The following ZNRF1 variants were observed in gnomAD, a reference collection of about 807,000 sequenced individuals.
ZNRF1 encodes E3 ubiquitin-protein ligase ZNRF1.
A neutral mutation model predicts 18.4 loss-of-function variants in ZNRF1; 3 were observed. The observed-to-expected ratio is 0.16, with a 90% CI of 0.07 to 0.42. ZNRF1 has a LOEUF of 0.42. ZNRF1 is among the 10% of genes least tolerant of loss of function. The pLI is 0.99. For synonymous variants in ZNRF1, 157 were observed against 144.2 expected (o/e 1.09, Z -0.64); for missense variants, 310 against 329.8 (o/e 0.94, Z 0.47).
chr16:75,083,186 C>T (rs992996610), intron 1 of ZNRF1, among the ~76,000 whole-genome samples: 3 of 152,136 alleles, frequency 2.0e-5, no homozygotes, highest in East Asian at 1.9e-4. Context: ...TGAATTTCCT[C>T]GAATGGACAG....
chr16:75,082,564 A>G (rs1159124444), intron 1 of ZNRF1, among the ~76,000 whole-genome samples: 1 of 152,158 alleles, frequency 6.6e-6, no homozygotes, highest in Non-Finnish European at 1.5e-5. Flanking sequence ...GTAGACAGGA[A>G]TATGTTTGAG....
chr16:75,096,529 G>C (rs1216717815), intron 2 of ZNRF1, among the ~76,000 whole-genome samples: 1 of 152,160 alleles, frequency 6.6e-6, no homozygotes, highest in South Asian at 2.1e-4. Flanking sequence ...AGAGTCAGAG[G>C]TGTGAGTTCT....
chr16:75,110,561 A>G lies in ZNRF1; in HGVS notation c.*2861A>G, dbSNP rs2145437203. On this transcript the variant is annotated 3_prime_UTR_variant, in exon 5 of 5. Transcript: ENST00000335325. ...TCAAGAAATGTGTAATTTAATTCCA[A>G]ATAGTTCCCCCCAAAATACACAAAG... 1 of 152,362 alleles carries G rather than the reference A, an allele frequency of 6.6e-6. No individual in the cohort carries two copies. Among genetic ancestry groups the G allele is most frequent in the East Asian group, 1.9e-4 (1 of 5,190 alleles). The allele number at this position is 152,362 out of a possible 1,614,324, so 9.4% of individuals were successfully genotyped here.
intron 1 of ZNRF1, among the ~76,000 whole-genome samples, chr16:75,062,555 G>A (rs1402133513): frequency 3.3e-5 from 5 of 152,254 alleles, no homozygotes; most frequent in South Asian, 4.1e-4. Flanking sequence ...ATCTATGTGT[G>A]TAGCAGGATC....
intron 1 of ZNRF1, among the ~76,000 whole-genome samples, chr16:75,016,775 C>A (rs575157635): frequency 1.4e-5 from 2 of 145,608 alleles, no homozygotes; most frequent in African/African-American, 5.2e-5. Flanking sequence ...GAACTCCTGA[C>A]CTCAGGTGAT....
In ZNRF1 at chr16:75,022,092, T is replaced by C. The variant is rs369722901; in HGVS notation, c.424+21997T>C. ...CCGTCCATCCATCCGTCTCGCTCTG[T>C]TGCTCACGCTGGAGTGGGCTGGCAT... On this transcript the variant is annotated intron_variant, in intron 1 of 4. Coordinates refer to ENST00000335325, the MANE Select transcript of ZNRF1 (RefSeq NM_032268.5). Among the ~76,000 whole-genome samples the C allele has an allele frequency of 1.3e-4, 20 of 152,270 alleles. No homozygotes were observed. The East Asian group carries it at 1.9e-3, about 15-fold the overall frequency.
At chr16:75,034,090 G>A (rs1407827457) in intron 1 of ZNRF1, among the ~76,000 whole-genome samples, 1 of 152,126 alleles carries the variant, frequency 6.6e-6, no homozygotes, top group East Asian at 1.9e-4. Context: ...CCCGGGAGGC[G>A]GAGGTTGCAG....
chr16:75,025,253 A>G (rs1198554839), intron 1 of ZNRF1, among the ~76,000 whole-genome samples: 1 of 152,046 alleles, frequency 6.6e-6, no homozygotes, highest in African/African-American at 2.4e-5. Context: ...TATTTTTAGT[A>G]GAGATAGGGT....
intron 1 of ZNRF1, among the ~76,000 whole-genome samples, chr16:75,022,700 A>G (rs569418616): frequency 2.6e-5 from 4 of 152,386 alleles, no homozygotes; most frequent in Non-Finnish European, 4.4e-5. Flanking sequence ...GGTAACCACA[A>G]ATGGTTAGTG....
At chr16:75,064,790 C>A (rs2035782464) in intron 1 of ZNRF1, among the ~76,000 whole-genome samples, 1 of 152,204 alleles carries the variant, frequency 6.6e-6, no homozygotes, top group African/African-American at 2.4e-5. Flanking sequence ...CTGTTCCTGG[C>A]CCTTCTTCTA....
At chr16:75,106,433 A>C in intron 3 of ZNRF1, 49 bp from the exon 4 acceptor site, 1 of 1,609,902 alleles carries the variant, frequency 6.2e-7, no homozygotes, top group Non-Finnish European at 8.5e-7. Context: ...CCTTCAAAGC[A>C]GCCTGGGCAG....
At chr16:75,058,833 C>G (rs192336277) in intron 1 of ZNRF1, among the ~76,000 whole-genome samples, 72 of 152,288 alleles carry the variant, frequency 4.7e-4, no homozygotes, top group Non-Finnish European at 8.7e-4. Flanking sequence ...TCGGTCTCAT[C>G]CCCCAGGAGA....
chr16:75,067,399 T>C (rs189962059), intron 1 of ZNRF1, among the ~76,000 whole-genome samples: 45 of 152,308 alleles, frequency 3.0e-4, no homozygotes, highest in Admixed American at 7.2e-4. Context: ...AAGAAGGTCA[T>C]GTGGGATGAG....
rs372974772 is a variant in ZNRF1, at chr16:75,096,328, A to G, written c.520+2661A>G. Among the ~76,000 whole-genome samples the G allele has an allele frequency of 3.6e-4, 55 of 152,250 alleles. 2 individuals are homozygous for G. Among genetic ancestry groups the G allele is most frequent in the African/African-American group, 1.3e-3 (54 of 41,542 alleles). Reference sequence around the variant, plus strand: ...TCTGAAGACCCTAAACCTTCCAGGTAAGAGGAGAGCATTTGCTTCCGGGGG... The same window carrying G: ...TCTGAAGACCCTAAACCTTCCAGGTGAGAGGAGAGCATTTGCTTCCGGGGG... On this transcript the variant is annotated intron_variant, in intron 2 of 4. Transcript: ENST00000335325.
At position 75,109,051 on chromosome 16, in the gene ZNRF1, T is replaced by G. The variant is rs1467770206; in HGVS notation, c.*1351T>G. ...CTTCCAGGTGTGGGCCCAGCCCCCC[T>G]CCTTCCAGCCTTTGCTCCCCATCCC... On this transcript the variant is annotated 3_prime_UTR_variant, in exon 5 of 5. Transcript: ENST00000335325. The G allele has an allele frequency of 1.3e-5, 2 of 153,354 alleles. No homozygotes were observed. The highest frequency in any genetic ancestry group is 4.8e-5 in the African/African-American group (2 of 41,602). The allele number at this position is 153,354 out of a possible 1,614,324, so 9.5% of individuals were successfully genotyped here.
At chr16:75,068,901 A>G (rs1426852363) in intron 1 of ZNRF1, among the ~76,000 whole-genome samples, 1 of 151,670 alleles carries the variant, frequency 6.6e-6, no homozygotes, top group Non-Finnish European at 1.5e-5. Context: ...CTTCTGTGAA[A>G]TGGGCCAGAA....
chr16:75,001,681 G>A (rs948342099), intron 1 of ZNRF1, among the ~76,000 whole-genome samples: 4 of 152,194 alleles, frequency 2.6e-5, no homozygotes, highest in Admixed American at 2.6e-4. Context: ...ACTGTAAGAA[G>A]TTTCTCTAAA....
At chr16:75,079,823 A>C (rs2035988059) in intron 1 of ZNRF1, among the ~76,000 whole-genome samples, 1 of 152,220 alleles carries the variant, frequency 6.6e-6, no homozygotes. Flanking sequence ...ATGACAGGGT[A>C]CCAGGACTGG....
At chr16:75,049,888 TCATA>T (rs1448343117) in intron 1 of ZNRF1, among the ~76,000 whole-genome samples, 1 of 145,264 alleles carries the variant, frequency 6.9e-6, no homozygotes, top group Non-Finnish European at 1.5e-5. Flanking sequence ...TGCAGTTTCA[TCATA>T]CATATGGGTT....
Sources: gnomAD v4.1 joint callset for allele counts (sites outside exome capture counted in the v4.1 genomes callset) on GRCh38, gnomAD v4.1.1 for gene constraint, MANE v1.5 for transcripts, NCBI Gene and HGNC (gene_info 2026-07-23, HGNC 2026-07-21) for gene names.